SLC44A5: variants seen among roughly 807,000 people sequenced by gnomAD.
SLC44A5 encodes solute carrier family 44 member 5.
In SLC44A5, 57 loss-of-function variants were observed where a neutral mutation model predicts 101.8. That is an observed-to-expected ratio of 0.56 (90% CI 0.45 to 0.70). The LOEUF is 0.70. Among genes scored for constraint, SLC44A5 ranks in the 30% least tolerant of loss-of-function variants. The pLI is 0.00. For missense variants in SLC44A5, 737 were observed against 853.1 expected, an observed-to-expected ratio of 0.86 and a Z score of 1.70; for synonymous variants, 281 against 290.9, an observed-to-expected ratio of 0.97 and a Z score of 0.35.
chr1:75,339,968 C>A (rs1657748474), intron 3 of SLC44A5, among the ~76,000 whole-genome samples: 1 of 152,146 alleles, frequency 6.6e-6, no homozygotes, highest in Non-Finnish European at 1.5e-5. Context: ...TTACCATCTT[C>A]CATCACCAAG....
chr1:75,234,133 T>C (rs200555837), intron 11 of SLC44A5, 35 bp from the exon 12 acceptor site: 282 of 1,459,156 alleles, frequency 1.9e-4, no homozygotes, highest in Non-Finnish European at 2.5e-4. Flanking sequence ...AGTGGTCAAG[T>C]GTGCTAAACA....
chr1:75,357,424 G>C (rs895031968), intron 3 of SLC44A5, among the ~76,000 whole-genome samples: 4 of 152,168 alleles, frequency 2.6e-5, no homozygotes, highest in Non-Finnish European at 2.9e-5. Context: ...ATTTCACTGA[G>C]TGCTTTCTCT....
At chr1:75,560,701 C>A (rs1672471174) in intron 1 of SLC44A5, among the ~76,000 whole-genome samples, 1 of 152,098 alleles carries the variant, frequency 6.6e-6, no homozygotes, top group Admixed American at 6.6e-5. Flanking sequence ...CCCTGTGCCC[C>A]AAGACTCAGC....
At chr1:75,446,559 T>G (rs1262026451) in intron 2 of SLC44A5, among the ~76,000 whole-genome samples, 1 of 152,140 alleles carries the variant, frequency 6.6e-6, no homozygotes, top group African/African-American at 2.4e-5. Context: ...TTGTTTTAGA[T>G]ATTTTGTAAA....
intron 1 of SLC44A5, 27 bp downstream of exon 1, chr1:75,611,013 C>T: frequency 5.1e-6 from 5 of 975,012 alleles, no homozygotes; most frequent in Non-Finnish European, 6.1e-6. Context: ...CAGACATAGA[C>T]TTCTTGCATT....
chr1:75,540,079 A>G (rs1214324144), intron 2 of SLC44A5, among the ~76,000 whole-genome samples: 1 of 152,190 alleles, frequency 6.6e-6, no homozygotes, highest in African/African-American at 2.4e-5. Flanking sequence ...TAGTTGAAAT[A>G]TAATATTGCC....
intron 2 of SLC44A5, among the ~76,000 whole-genome samples, chr1:75,502,078 C>T (rs959063524): frequency 1.3e-5 from 2 of 152,190 alleles, no homozygotes; most frequent in African/African-American, 4.8e-5. Flanking sequence ...AAAATCAGCA[C>T]ATGGTACCCA....
intron 6 of SLC44A5, among the ~76,000 whole-genome samples, chr1:75,261,217 A>G (rs1234295650): frequency 1.3e-5 from 2 of 152,152 alleles, no homozygotes; most frequent in Non-Finnish European, 2.9e-5. Flanking sequence ...CTCTTCAAAA[A>G]ATCAATGAAT....
At chr1:75,380,836 C>T (rs1229682856) in intron 3 of SLC44A5, among the ~76,000 whole-genome samples, 1 of 81,826 alleles carries the variant, frequency 1.2e-5, no homozygotes, top group Non-Finnish European at 2.1e-5. Context: ...TGAATGGGTA[C>T]CTGGCCCCAC....
chr1:75,355,792 T>C (rs1231709578), intron 3 of SLC44A5, among the ~76,000 whole-genome samples: 1 of 152,206 alleles, frequency 6.6e-6, no homozygotes, highest in Non-Finnish European at 1.5e-5. Context: ...CATACAATTA[T>C]TTACAGCCAC....
At chr1:75,517,459 A>G (rs1407828608) in intron 2 of SLC44A5, among the ~76,000 whole-genome samples, 1 of 152,178 alleles carries the variant, frequency 6.6e-6, no homozygotes, top group Non-Finnish European at 1.5e-5. Context: ...CCTAAAAAAA[A>G]GGAGTGGAGG....
intron 3 of SLC44A5, chr1:75,354,048 A>G (rs538189117): frequency 5.0e-4 from 157 of 315,670 alleles, no homozygotes; most frequent in African/African-American, 3.3e-3. Flanking sequence ...AAATGAATGA[A>G]ATGTTTTAGA....
chr1:75,322,705 A>T (rs978979893), intron 4 of SLC44A5, among the ~76,000 whole-genome samples: 4 of 152,050 alleles, frequency 2.6e-5, no homozygotes, highest in Non-Finnish European at 1.5e-5. Context: ...TTGCTTCCTC[A>T]CTCAGCAAAA....
chr1:75,262,914 A>T (rs1009658012), intron 6 of SLC44A5, among the ~76,000 whole-genome samples: 3 of 152,212 alleles, frequency 2.0e-5, no homozygotes, highest in African/African-American at 7.2e-5. Context: ...GGTGTTGGGA[A>T]AACTGGCTAG....
chr1:75,340,811 C>T (rs1224133499), intron 3 of SLC44A5, among the ~76,000 whole-genome samples: 3 of 152,160 alleles, frequency 2.0e-5, no homozygotes, highest in Non-Finnish European at 2.9e-5. Flanking sequence ...ACTGGAACTG[C>T]AAAATATAAA....
At chr1:75,481,565 A>G (rs928232611) in intron 2 of SLC44A5, among the ~76,000 whole-genome samples, 2 of 151,998 alleles carry the variant, frequency 1.3e-5, no homozygotes, top group African/African-American at 2.4e-5. Flanking sequence ...CAAGAAAAAA[A>G]CAAACGACCC....
At chr1:75,248,003 A>T (rs1183543367) in intron 7 of SLC44A5, among the ~76,000 whole-genome samples, 1 of 152,104 alleles carries the variant, frequency 6.6e-6, no homozygotes, top group Non-Finnish European at 1.5e-5. Context: ...AGATTAAAGA[A>T]ATAACAGTAG....
At chr1:75,444,400 GGAGA>G (rs1459318459) in intron 2 of SLC44A5, among the ~76,000 whole-genome samples, 1 of 140,588 alleles carries the variant, frequency 7.1e-6, no homozygotes, top group Admixed American at 7.5e-5. Context: ...AAGGAAGGAA[GGAGA>G]GAAAGAGAAA....
intron 4 of SLC44A5, among the ~76,000 whole-genome samples, chr1:75,321,479 A>AGATCATCCCTATT (rs1553160961): frequency 1.3e-5 from 2 of 150,198 alleles, no homozygotes; most frequent in African/African-American, 5.0e-5. Flanking sequence ...AGAGAGAGAG[A>AGATCATCCCTATT]GATCATCCCT....
Sources: gnomAD v4.1 joint callset for allele counts (sites outside exome capture counted in the v4.1 genomes callset) on GRCh38, gnomAD v4.1.1 for gene constraint, MANE v1.5 for transcripts, NCBI Gene and HGNC (gene_info 2026-07-23, HGNC 2026-07-21) for gene names.